Variants in RNF6 observed in about 807,000 individuals in gnomAD.
RNF6 encodes ring finger protein 6.
A neutral mutation model predicts 50.1 loss-of-function variants in RNF6; 21 were observed. That is an observed-to-expected ratio of 0.42 (90% CI 0.30 to 0.60). The LOEUF (loss-of-function observed/expected upper bound fraction) is 0.60. RNF6 is among the 20% of genes least tolerant of loss of function. The pLI is 0.20. For synonymous variants in RNF6, 255 were observed against 291.8 expected, an observed-to-expected ratio of 0.87 and a Z score of 1.29; for missense variants, 698 against 838.2, an observed-to-expected ratio of 0.83 and a Z score of 2.07.
At chr13:26,188,875 A>G (rs1447580621) in intron 5 of RNF6, among the ~76,000 whole-genome samples, 1 of 151,588 alleles carries the variant, frequency 6.6e-6, no homozygotes, top group Non-Finnish European at 1.5e-5. Context: ...TGATCTGCCC[A>G]CCTTGGCCTC....
At chr13:26,186,310 A>G (rs988455013) in intron 5 of RNF6, among the ~76,000 whole-genome samples, 2 of 152,230 alleles carry the variant, frequency 1.3e-5, no homozygotes, top group Non-Finnish European at 2.9e-5. Flanking sequence ...GGGCGCGTGG[A>G]GCTTTGAGCA....
intron 5 of RNF6, among the ~76,000 whole-genome samples, chr13:26,203,521 C>G (rs1466713259): frequency 6.6e-6 from 1 of 152,244 alleles, no homozygotes; most frequent in Non-Finnish European, 1.5e-5. Context: ...CTCCAGTTGT[C>G]ACACCTTTGG....
intron 5 of RNF6, among the ~76,000 whole-genome samples, chr13:26,158,629 G>A (rs1237733116): frequency 6.6e-6 from 1 of 152,022 alleles, no homozygotes; most frequent in Non-Finnish European, 1.5e-5. Flanking sequence ...TGACATTGCT[G>A]AGTGATAAAA....
At chr13:26,151,947 C>T (rs1481644845) in intron 5 of RNF6, among the ~76,000 whole-genome samples, 2 of 152,152 alleles carry the variant, frequency 1.3e-5, no homozygotes, top group Non-Finnish European at 2.9e-5. Flanking sequence ...TCACGCAAGG[C>T]ACCAGAGCTG....
Position 26,150,564 on chromosome 13 carries a change from C to A in RNF6, n.769-18113G>T, listed in dbSNP as rs538963998. 3.4e-4 allele frequency among the ~76,000 whole-genome samples: 52 copies of A among 152,196 alleles called. 1 individual carries two copies. Among genetic ancestry groups the A allele is most frequent in the African/African-American group, 1.2e-3 (51 of 41,534 alleles). On this transcript the variant is annotated intron_variant and non_coding_transcript_variant, in intron 5 of 5. Transcript: ENST00000468480. The stretch of plus-strand genomic sequence containing the variant: ...ACTTTGACCTACAGTTGGATTAGAA[C>A]CCCAAAGATACTATCATAGTTCTTA...
At chr13:26,150,500 C>T (rs1871533607) in intron 5 of RNF6, among the ~76,000 whole-genome samples, 2 of 152,100 alleles carry the variant, frequency 1.3e-5, no homozygotes, top group African/African-American at 4.8e-5. Flanking sequence ...AATGAAGATG[C>T]AGCACAATTT....
In RNF6 at chr13:26,193,840, A is replaced by G. The variant is rs114391154; in HGVS notation, n.768+21634T>C. 1.7e-3 allele frequency among the ~76,000 whole-genome samples: 261 copies of G among 152,326 alleles called. 1 individual carries two copies. The highest frequency in any genetic ancestry group is 6.2e-3 in the African/African-American group (256 of 41,580). On this transcript the variant is annotated intron_variant and non_coding_transcript_variant, in intron 5 of 5. Coordinates refer to the RNF6 transcript ENST00000468480. ...TTGATCTTAATTTGAAGCACAGACA[A>G]TATGTGAGAAAAGAGCATGCATGGG... is the stretch of plus-strand genomic sequence containing the variant.
chr13:26,134,116 G>A (rs1283225105), intron 5 of RNF6, among the ~76,000 whole-genome samples: 2 of 152,234 alleles, frequency 1.3e-5, no homozygotes, highest in Non-Finnish European at 2.9e-5. Flanking sequence ...AGCTGGGAAA[G>A]GGTGAGAGTT....
intron 5 of RNF6, among the ~76,000 whole-genome samples, chr13:26,148,646 A>G (rs1360696390): frequency 9.4e-6 from 1 of 106,652 alleles, no homozygotes; most frequent in African/African-American, 3.1e-5. Flanking sequence ...ATATATATAT[A>G]TATATATATA....
At chr13:26,187,991 T>C (rs564358177) in intron 5 of RNF6, among the ~76,000 whole-genome samples, 1 of 152,302 alleles carries the variant, frequency 6.6e-6, no homozygotes, top group Non-Finnish European at 1.5e-5. Context: ...AAAACAAGAT[T>C]CTGTAGGTGT....
intron 5 of RNF6, among the ~76,000 whole-genome samples, chr13:26,168,952 A>G (rs954823875): frequency 2.6e-5 from 4 of 152,190 alleles, no homozygotes; most frequent in Non-Finnish European, 5.9e-5. Context: ...GCAATGAGCC[A>G]TGATCATGCC....
chr13:26,146,992 G>A lies in RNF6; in HGVS notation n.769-14541C>T, dbSNP rs140606771. ...TCTTACCAGCCATGATTCTTGTACAGCCTGCAAAACTGTGAGCTAATTAAA... is the reference window on the plus strand; with the variant it reads ...TCTTACCAGCCATGATTCTTGTACAACCTGCAAAACTGTGAGCTAATTAAA... On this transcript the variant is annotated intron_variant and non_coding_transcript_variant, in intron 5 of 5. Coordinates refer to the RNF6 transcript ENST00000468480. 7.8e-4 allele frequency among the ~76,000 whole-genome samples: 118 copies of A among 152,232 alleles called. 1 individual carries two copies. The highest frequency in any genetic ancestry group is 2.8e-3 in the African/African-American group (117 of 41,540).
downstream of RNF6, among the ~76,000 whole-genome samples, chr13:26,212,608 A>T (rs177293): frequency 0.88 from 133,054 of 151,504 alleles, 59,138 homozygotes; most frequent in East Asian, 1. Context: ...ATCAATTGAT[A>T]TTCAGTTTCT....
Position 26,222,288 on chromosome 13 carries a change from G to A in RNF6, c.-387C>T, listed in dbSNP as rs984563642. ...CTTGGCGGCGGGGAGTCGCTCCGCA[G>A]CCGGCCCGGAGCTCGCCCGTGCAAC... On this transcript the variant is annotated 5_prime_UTR_variant, in exon 1 of 5. Transcript: ENST00000381588. 1 of 152,340 alleles carries A rather than the reference G, an allele frequency of 6.6e-6. No homozygotes were observed. The highest frequency in any genetic ancestry group is 6.5e-5 in the Admixed American group (1 of 15,282). 9.4% of individuals were successfully genotyped at this position (152,340 alleles called of 1,614,324 possible). A position where few individuals can be genotyped will look rare whatever the true frequency, so the allele number is the denominator to read the frequency against.
At chr13:26,156,788 C>A (rs1871947008) in intron 5 of RNF6, among the ~76,000 whole-genome samples, 2 of 152,158 alleles carry the variant, frequency 1.3e-5, no homozygotes, top group Admixed American at 1.3e-4. Context: ...GAAATCAGAA[C>A]TGCCAGGTAC....
intron 2 of RNF6, among the ~76,000 whole-genome samples, chr13:26,220,854 C>T (rs1870409123): frequency 6.6e-6 from 1 of 152,190 alleles, no homozygotes; most frequent in South Asian, 2.1e-4. Context: ...AAGCAAGCTG[C>T]TTTAAATATA....
intron 5 of RNF6, among the ~76,000 whole-genome samples, chr13:26,191,706 C>T (rs530875053): frequency 6.6e-6 from 1 of 152,320 alleles, no homozygotes; most frequent in East Asian, 1.9e-4. Flanking sequence ...CCTCCCCAGC[C>T]ATGCAGAACT....
intron 5 of RNF6, among the ~76,000 whole-genome samples, chr13:26,157,791 T>A (rs1872003298): frequency 6.6e-6 from 1 of 152,192 alleles, no homozygotes; most frequent in Non-Finnish European, 1.5e-5. Flanking sequence ...TATAAAAGTA[T>A]AAACAGAGTG....
chr13:26,220,753 C>T (rs1870398255), intron 2 of RNF6, among the ~76,000 whole-genome samples: 2 of 152,176 alleles, frequency 1.3e-5, no homozygotes, highest in Admixed American at 1.3e-4. Context: ...AATACAGCAC[C>T]TGACTCAGTA....
Sources: allele counts gnomAD v4.1 joint callset (sites outside exome capture counted in the v4.1 genomes callset), GRCh38; gene constraint gnomAD v4.1.1; transcripts MANE v1.5; gene names NCBI Gene and HGNC (gene_info 2026-07-23, HGNC 2026-07-21).